Variants in PTPRE observed in about 807,000 individuals in gnomAD.
PTPRE encodes the protein protein tyrosine phosphatase receptor type E, also known as receptor-type tyrosine-protein phosphatase epsilon.
A neutral mutation model predicts 102.0 loss-of-function variants in PTPRE; 51 were observed. That is an observed-to-expected ratio of 0.50 (90% confidence interval 0.40 to 0.63). The LOEUF (loss-of-function observed/expected upper bound fraction) is 0.63, where lower values mean the gene tolerates loss of function less well. Ranked by LOEUF, PTPRE falls within the 30% of genes least tolerant of loss-of-function variation. The pLI, the probability that PTPRE is intolerant of heterozygous loss-of-function variation, is 0.00. For missense variants in PTPRE, 752 were observed against 915.1 expected (o/e 0.82, Z 2.30); for synonymous variants, 345 against 348.2 (o/e 0.99, Z 0.10).
At chr10:127,909,868 T>C (rs1468287082) in intron 1 of PTPRE, among the ~76,000 whole-genome samples, 1 of 152,150 alleles carries the variant, frequency 6.6e-6, no homozygotes, top group African/African-American at 2.4e-5. Context: ...TTTTTGCCGA[T>C]GTGGATGGGC....
Position 128,066,094 on chromosome 10 carries a change from G to T in PTPRE, c.743G>T (p.Trp248Leu). 6.2e-7 allele frequency: 1 copy of T among 1,614,144 alleles called. No homozygotes were observed. Among genetic ancestry groups the T allele is most frequent in the Non-Finnish European group, 8.5e-7 (1 of 1,180,032 alleles). ...ERKEEKCHQY[W>L]PDQGCWTYGN... is the part of the protein sequence containing the mutation. ...GTGCAGGAAAAGTGCCATCAGTACT[G>T]GCCCGACCAAGGCTGCTGGACCTAT... The change falls in exon 11 of 21, where the codon TGG (tryptophan) becomes TTG (leucine). Residue 248 changes from tryptophan to leucine, a missense_variant. This residue lies in a region of PTPRE where 636 missense variants were observed against 824.4 expected (regional missense o/e 0.77). Transcript: ENST00000254667.
At chr10:128,055,093 C>G (rs139689104) in intron 6 of PTPRE, among the ~76,000 whole-genome samples, 27 of 152,258 alleles carry the variant, frequency 1.8e-4, no homozygotes, top group Admixed American at 6.5e-4. Context: ...GATGACCCAG[C>G]TCCTTCCACC....
chr10:127,982,220 A>C, intron 1 of PTPRE, 54 bp from the exon 2 acceptor site: 1 of 1,137,870 alleles, frequency 8.8e-7, no homozygotes, highest in Non-Finnish European at 1.2e-6. Flanking sequence ...TAGAATTAGC[A>C]GCCAACTCCT....
chr10:127,955,694 A>G (rs1015432156), intron 1 of PTPRE, among the ~76,000 whole-genome samples: 3 of 152,212 alleles, frequency 2.0e-5, no homozygotes, highest in African/African-American at 7.2e-5. Context: ...TATATTCATC[A>G]GTTTTCACAC....
At chr10:127,913,268 C>T (rs1332569945) in intron 1 of PTPRE, among the ~76,000 whole-genome samples, 7 of 152,248 alleles carry the variant, frequency 4.6e-5, no homozygotes, top group Admixed American at 4.6e-4. Context: ...GACTTCTCCT[C>T]TGCCACAGTC....
At chr10:128,032,099 T>C (rs1846808742) in intron 2 of PTPRE, among the ~76,000 whole-genome samples, 1 of 152,148 alleles carries the variant, frequency 6.6e-6, no homozygotes, top group Non-Finnish European at 1.5e-5. Context: ...CACTGCAACC[T>C]CCGCCTCCTG....
chr10:127,943,072 T>C (rs531421609), intron 1 of PTPRE, among the ~76,000 whole-genome samples: 78 of 152,238 alleles, frequency 5.1e-4, no homozygotes, highest in Non-Finnish European at 8.8e-4. Flanking sequence ...TATTCTTCTC[T>C]TCCCAGCTCT....
intron 1 of PTPRE, among the ~76,000 whole-genome samples, chr10:127,970,154 C>A (rs556839681): frequency 3.9e-5 from 6 of 152,194 alleles, no homozygotes; most frequent in Admixed American, 6.5e-5. Context: ...AAGTCCAGCC[C>A]ACACTCCCAG....
In PTPRE at chr10:128,019,421, G is replaced by A. The variant is rs373602567; in HGVS notation, c.-7-21454G>A. The stretch of plus-strand genomic sequence containing the variant: ...GTCACTGCCCTCCTCTCATCCCAGC[G>A]TGGCCTCAGCCACCAGGAGGCCTAG... On this transcript the variant is annotated intron_variant, in intron 2 of 20. Coordinates refer to ENST00000254667, the MANE Select transcript of PTPRE (RefSeq NM_006504.6). Among the ~76,000 whole-genome samples the A allele has an allele frequency of 7.9e-4, 120 of 152,356 alleles. 1 individual carries two copies. Among genetic ancestry groups the A allele is most frequent in the Non-Finnish European group, 2.5e-4 (17 of 68,032 alleles).
chr10:127,961,551 C>T (rs1849813721), intron 1 of PTPRE, among the ~76,000 whole-genome samples: 1 of 152,154 alleles, frequency 6.6e-6, no homozygotes. Flanking sequence ...TGAACTGATG[C>T]TGGCAGGCAC....
intron 2 of PTPRE, among the ~76,000 whole-genome samples, chr10:127,994,856 C>T (rs1480974697): frequency 6.6e-6 from 1 of 152,178 alleles, no homozygotes; most frequent in Non-Finnish European, 1.5e-5. Flanking sequence ...TTTCAGTTCA[C>T]TTTGGGTTTC....
chr10:127,995,823 GCACA>G (rs143328396), intron 2 of PTPRE, among the ~76,000 whole-genome samples: 28,911 of 148,158 alleles, frequency 0.2, 2,929 homozygotes, highest in East Asian at 0.38. Context: ...CTCTACACGA[GCACA>G]CACACACACA....
At chr10:128,067,399 C>CAT (rs1491270445) in intron 11 of PTPRE, among the ~76,000 whole-genome samples, 1 of 150,264 alleles carries the variant, frequency 6.7e-6, no homozygotes, top group Non-Finnish European at 1.5e-5. Flanking sequence ...TGCACACACA[C>CAT]ATACACGCAC....
At chr10:128,005,362 T>C (rs1354615264) in intron 2 of PTPRE, among the ~76,000 whole-genome samples, 4 of 152,170 alleles carry the variant, frequency 2.6e-5, no homozygotes, top group Non-Finnish European at 5.9e-5. Flanking sequence ...TTGGTGCTGG[T>C]GTGGCCTTAA....
At chr10:128,050,783 T>C (rs1362294969) in intron 6 of PTPRE, among the ~76,000 whole-genome samples, 1 of 152,180 alleles carries the variant, frequency 6.6e-6, no homozygotes, top group Admixed American at 6.5e-5. Flanking sequence ...GAAGTTGGAA[T>C]GGGAGGCTCA....
chr10:128,071,539 A>G (rs1397713072), intron 15 of PTPRE: 1 of 154,922 alleles, frequency 6.5e-6, no homozygotes, highest in Non-Finnish European at 1.4e-5. Context: ...CCAAGTGGGA[A>G]AAAGAGAAAC....
chr10:127,921,370 A>G (rs1446449123), intron 1 of PTPRE, among the ~76,000 whole-genome samples: 1 of 152,180 alleles, frequency 6.6e-6, no homozygotes, highest in Non-Finnish European at 1.5e-5. Context: ...CCCAAGACGG[A>G]GGAGTGATGC....
intron 10 of PTPRE, 91 bp downstream of exon 10, chr10:128,063,271 C>T (rs1849772934): frequency 6.5e-7 from 1 of 1,532,628 alleles, no homozygotes; most frequent in African/African-American, 1.4e-5. Flanking sequence ...TTCCTACTTC[C>T]CTCCCTTCCT....
chr10:128,058,859 G>C (rs1305964324), intron 7 of PTPRE, among the ~76,000 whole-genome samples: 1 of 152,184 alleles, frequency 6.6e-6, no homozygotes, highest in Non-Finnish European at 1.5e-5. Flanking sequence ...TCTTTTACCA[G>C]AGTCATAAGA....
Sources: allele counts gnomAD v4.1 joint callset (sites outside exome capture counted in the v4.1 genomes callset), GRCh38; gene constraint gnomAD v4.1.1; regional missense constraint gnomAD v4.1.1; transcripts MANE v1.5; gene names NCBI Gene and HGNC (gene_info 2026-07-23, HGNC 2026-07-21).